The following CYP2C18 variants were observed in gnomAD, a reference collection of about 807,000 sequenced individuals.
CYP2C18 encodes cytochrome P450 2C18.
In CYP2C18, 38 loss-of-function variants were observed where a neutral mutation model predicts 41.3. The observed-to-expected ratio is 0.92, with a 90% CI of 0.71 to 1.21. The LOEUF (loss-of-function observed/expected upper bound fraction) is 1.21, where lower values mean the gene tolerates loss of function less well. CYP2C18 is among the 50% of genes most tolerant of loss of function. The pLI is 0.00. For synonymous variants in CYP2C18, 236 were observed against 210.0 expected, an observed-to-expected ratio of 1.12 and a Z score of -1.07; for missense variants, 635 against 591.4, an observed-to-expected ratio of 1.07 and a Z score of -0.77.
At chr10:94,731,297 G>A (rs1429565690) in intron 7 of CYP2C18, among the ~76,000 whole-genome samples, 2 of 151,868 alleles carry the variant, frequency 1.3e-5, no homozygotes, top group African/African-American at 2.4e-5. Context: ...GGAGAATGGC[G>A]TGAACCCGGA....
intron 7 of CYP2C18, among the ~76,000 whole-genome samples, chr10:94,732,031 A>G (rs1311773478): frequency 1.3e-5 from 2 of 152,210 alleles, no homozygotes; most frequent in Non-Finnish European, 2.9e-5. Context: ...GTAACTATTA[A>G]CAAAGTAAAC....
chr10:94,703,503 C>T (rs1847281767), intron 4 of CYP2C18, among the ~76,000 whole-genome samples: 1 of 152,146 alleles, frequency 6.6e-6, no homozygotes, highest in Non-Finnish European at 1.5e-5. Context: ...ACTGCCCAGA[C>T]TCATCTTCCC....
intron 4 of CYP2C18, among the ~76,000 whole-genome samples, chr10:94,704,336 T>C (rs1397675548): frequency 2.0e-5 from 3 of 151,786 alleles, no homozygotes; most frequent in Non-Finnish European, 4.4e-5. Context: ...TTTTATTTTT[T>C]TTCTTCTGAA....
At chr10:94,694,851 G>T (rs1847082860) in intron 3 of CYP2C18, 66 bp from the exon 4 acceptor site, 2 of 1,519,396 alleles carry the variant, frequency 1.3e-6, no homozygotes, top group African/African-American at 1.4e-5. Flanking sequence ...ACTTTTTCCT[G>T]TATCAAAGAC....
At chr10:94,730,476 A>G (rs1847808539) in intron 7 of CYP2C18, among the ~76,000 whole-genome samples, 1 of 152,188 alleles carries the variant, frequency 6.6e-6, no homozygotes, top group Admixed American at 6.5e-5. Flanking sequence ...TACAGTAAAT[A>G]AAGTTTGCAT....
intron 6 of CYP2C18, among the ~76,000 whole-genome samples, chr10:94,720,869 A>G (rs953119133): frequency 6.6e-6 from 1 of 152,158 alleles, no homozygotes; most frequent in Non-Finnish European, 1.5e-5. Flanking sequence ...CTAGGATTGT[A>G]TGTTGGTTTT....
Position 94,735,293 on chromosome 10 carries a change from C to T in CYP2C18, c.1322C>T (p.Ala441Val). The part of the protein sequence containing the change: ...GKRMCMGEGL[A>V]RMELFLFLTT... ...CGGATGTGTATGGGAGAGGGCCTGGCCCGCATGGAGCTGTTTTTATTCCTG... is the reference window on the plus strand; with the variant it reads ...CGGATGTGTATGGGAGAGGGCCTGGTCCGCATGGAGCTGTTTTTATTCCTG... The change falls in exon 9 of 9, where the codon GCC (alanine) becomes GTC (valine). Residue 441 changes from alanine (A) to valine (V), a missense_variant. Transcript: ENST00000285979. The T allele has an allele frequency of 6.2e-7, 1 of 1,613,604 alleles. No individual in the cohort carries two copies. The highest frequency in any genetic ancestry group is 8.5e-7 in the Non-Finnish European group (1 of 1,179,686).
chr10:94,731,617 G>C (rs1188140872), intron 7 of CYP2C18, among the ~76,000 whole-genome samples: 7 of 152,070 alleles, frequency 4.6e-5, no homozygotes, highest in Admixed American at 3.9e-4. Context: ...TACAAAAACA[G>C]ACACACAGAC....
chr10:94,688,216 C>T lies in CYP2C18; in HGVS notation c.423C>T (p.Ile141=), dbSNP rs151106761. Residue 141 remains isoleucine, a synonymous_variant, in exon 3 of 9, where the codon ATC becomes ATT. Coordinates refer to ENST00000285979, the MANE Select transcript of CYP2C18 (RefSeq NM_000772.3). ...LRNFGMGKRS[I]EDRVQEEARC... ...ATTTTGGGATGGGGAAGAGGAGCAT[C>T]GAGGACCGTGTTCAAGAGGAAGCCC... 444 of 1,613,484 alleles carry T rather than the reference C, an allele frequency of 2.8e-4. No individual in the cohort carries two copies. In the African/African-American group the frequency reaches 4.9e-3, roughly 18 times the overall value.
At chr10:94,687,123 T>A (rs968811055) in intron 1 of CYP2C18, among the ~76,000 whole-genome samples, 3 of 152,194 alleles carry the variant, frequency 2.0e-5, no homozygotes, top group Non-Finnish European at 4.4e-5. Context: ...TATGAGTGTA[T>A]AGCATGGAAA....
intron 4 of CYP2C18, among the ~76,000 whole-genome samples, chr10:94,695,789 TG>T (rs1847105966): frequency 6.6e-6 from 1 of 152,048 alleles, no homozygotes; most frequent in Non-Finnish European, 1.5e-5. Flanking sequence ...CACCCTAATA[TG>T]GTGCTTTTCC....
chr10:94,735,296 G>C lies in CYP2C18; in HGVS notation c.1325G>C (p.Arg442Pro). The change falls in exon 9 of 9, where the codon CGC (arginine) becomes CCC (proline). Residue 442 changes from arginine to proline, a missense_variant. Physicochemically the swap from Arg to Pro is moderately radical, Grantham distance 103. Transcript: ENST00000285979. ...KRMCMGEGLARMELFLFLTTI... is the reference protein window; with the variant it reads ...KRMCMGEGLAPMELFLFLTTI... ...ATGTGTATGGGAGAGGGCCTGGCCC[G>C]CATGGAGCTGTTTTTATTCCTGACC... 6.2e-7 allele frequency: 1 copy of C among 1,613,568 alleles called. No homozygotes were observed. Among genetic ancestry groups the C allele is most frequent in the Non-Finnish European group, 8.5e-7 (1 of 1,179,662 alleles).
At chr10:94,705,473 G>A (rs958255606) in intron 4 of CYP2C18, among the ~76,000 whole-genome samples, 6 of 152,168 alleles carry the variant, frequency 3.9e-5, no homozygotes, top group African/African-American at 1.4e-4. Context: ...ATTTACCTAT[G>A]TAACAAACCT....
chr10:94,717,510 C>A (rs1847573261), intron 5 of CYP2C18, among the ~76,000 whole-genome samples: 1 of 152,098 alleles, frequency 6.6e-6, no homozygotes, highest in African/African-American at 2.4e-5. Flanking sequence ...AATATCGGCC[C>A]CCACTCTCTT....
intron 3 of CYP2C18, among the ~76,000 whole-genome samples, chr10:94,693,510 C>T (rs1589793425): frequency 6.6e-6 from 1 of 152,178 alleles, no homozygotes; most frequent in African/African-American, 2.4e-5. Flanking sequence ...TACTTCCCCA[C>T]ATGAAGTGAA....
intron 7 of CYP2C18, among the ~76,000 whole-genome samples, chr10:94,730,653 A>G (rs1319516523): frequency 6.6e-6 from 1 of 152,178 alleles, no homozygotes; most frequent in Non-Finnish European, 1.5e-5. Flanking sequence ...CTATTTAAAA[A>G]CTGTCTTCTG....
chr10:94,716,097 G>A (rs562379915), intron 5 of CYP2C18, among the ~76,000 whole-genome samples: 44 of 152,112 alleles, frequency 2.9e-4, no homozygotes, highest in African/African-American at 1.0e-3. Context: ...AGTCTTGCTA[G>A]TGGTCTATCA....
intron 3 of CYP2C18, 141 bp from the exon 4 acceptor site, chr10:94,694,776 A>G: frequency 1.1e-6 from 1 of 879,234 alleles, no homozygotes; most frequent in Non-Finnish European, 1.7e-6. Flanking sequence ...TTAAATTTCA[A>G]TATGCTGTAG....
chr10:94,727,831 A>T (rs189577127), intron 7 of CYP2C18, among the ~76,000 whole-genome samples: 1 of 152,148 alleles, frequency 6.6e-6, no homozygotes. Flanking sequence ...CTATACATTT[A>T]TCTGCATTTA....
Sources: allele counts gnomAD v4.1 joint callset (sites outside exome capture counted in the v4.1 genomes callset), GRCh38; gene constraint gnomAD v4.1.1; transcripts MANE v1.5; gene names NCBI Gene and HGNC (gene_info 2026-07-23, HGNC 2026-07-21).